The following LIN9 variants were observed in gnomAD, a reference collection of about 807,000 sequenced individuals.
LIN9 encodes lin-9 DREAM MuvB core complex component, also known as protein lin-9 homolog.
Under a neutral mutation model 78.0 loss-of-function variants are expected in LIN9, and 18 were observed. That is an observed-to-expected ratio of 0.23 (90% CI 0.16 to 0.34). The LOEUF (loss-of-function observed/expected upper bound fraction) is 0.34, where lower values mean the gene tolerates loss of function less well. Among genes scored for constraint, LIN9 ranks in the 10% least tolerant of loss-of-function variants. The pLI is 1.00. For missense variants in LIN9, 451 were observed against 644.1 expected (o/e 0.70, Z 3.25); for synonymous variants, 192 against 215.2 (o/e 0.89, Z 0.94).
chr1:226,286,298 T>C lies in LIN9; in HGVS notation c.524+35A>G, dbSNP rs748996465. 1.5e-5 allele frequency: 24 copies of C among 1,595,306 alleles called. No individual in the cohort carries two copies. In the South Asian group the frequency reaches 2.5e-4, roughly 17 times the overall value. ...GTACATGCACTGCTACTGGCTTGAT[T>C]TTATTTTAAACAAAAACAAAAACAT... On this transcript the variant is annotated intron_variant, in intron 6 of 14. Coordinates refer to ENST00000681046, the MANE Select transcript of LIN9 (RefSeq NM_001366245.2).
At chr1:226,297,075 C>A (rs1393517832) in intron 3 of LIN9, among the ~76,000 whole-genome samples, 1 of 152,116 alleles carries the variant, frequency 6.6e-6, no homozygotes, top group Non-Finnish European at 1.5e-5. Flanking sequence ...TTCTACACTG[C>A]CCCCCTTCCC....
At chr1:226,244,864 A>G (rs987563009) in intron 11 of LIN9, among the ~76,000 whole-genome samples, 1 of 152,250 alleles carries the variant, frequency 6.6e-6, no homozygotes, top group Admixed American at 6.5e-5. Context: ...CAATTAACTT[A>G]TATTCCCACC....
chr1:226,277,661 T>A (rs1313596829), intron 7 of LIN9, 114 bp downstream of exon 7: 5 of 938,048 alleles, frequency 5.3e-6, no homozygotes, highest in Non-Finnish European at 7.9e-6. Context: ...CGATGTCTAT[T>A]GTAAATATTT....
In LIN9 at chr1:226,232,550, T is replaced by C; in HGVS notation, c.1580A>G (p.Gln527Arg). ...TGCAAAGGCATGTAAGTTTCCCATC[T>C]GGCTCAGGCCACTCTGAATATGTGC... ...HVAHIQSGLS[Q>R]MGNLHAFAAN... Residue 527 changes from glutamine (Q) to arginine (R), a missense_variant, in exon 15 of 15, where the codon CAG (glutamine) becomes CGG (arginine). Transcript: ENST00000681046. 6.2e-7 allele frequency: 1 copy of C among 1,612,726 alleles called. No individual in the cohort carries two copies.
intron 6 of LIN9, among the ~76,000 whole-genome samples, chr1:226,284,841 T>C (rs1342550791): frequency 6.6e-6 from 1 of 152,248 alleles, no homozygotes; most frequent in Non-Finnish European, 1.5e-5. Context: ...TGTTTCTTCA[T>C]ATGTATCTTG....
In LIN9 at chr1:226,253,938, G is replaced by T. The variant is rs1053604060; in HGVS notation, c.1039-3019C>A. Among the ~76,000 whole-genome samples the T allele has an allele frequency of 2.2e-4, 34 of 151,912 alleles. 2 individuals carry two copies. The highest frequency in any genetic ancestry group is 1.2e-4 in the Non-Finnish European group (8 of 67,936). On this transcript the variant is annotated intron_variant, in intron 10 of 14. Coordinates refer to ENST00000681046, the MANE Select transcript of LIN9 (RefSeq NM_001366245.2). ...TCAAAAAAGAAAAAAAAGAAAGAAAGAAATAATAAGGCCGGGTGTGGTAGC... is the reference window on the plus strand; with the variant it reads ...TCAAAAAAGAAAAAAAAGAAAGAAATAAATAATAAGGCCGGGTGTGGTAGC...
chr1:226,260,628 G>GTTTTTTTTTTTTTTT (rs559460640), intron 10 of LIN9, among the ~76,000 whole-genome samples: 3 of 73,428 alleles, frequency 4.1e-5, no homozygotes, highest in African/African-American at 1.5e-4. Flanking sequence ...GGCCAAATGA[G>GTTTTTTTTTTTTTTT]TTTTTTTTTT....
In LIN9 at chr1:226,295,894, T is replaced by A; in HGVS notation, c.212A>T (p.Gln71Leu). 5.0e-6 allele frequency: 8 copies of A among 1,613,738 alleles called. No individual in the cohort carries two copies. The highest frequency in any genetic ancestry group is 6.8e-6 in the Non-Finnish European group (8 of 1,179,886). Residue 71 changes from glutamine (Q) to leucine (L), a missense_variant, in exon 4 of 15, where the codon CAA (glutamine) becomes CTA (leucine). Physicochemically the swap from Gln to Leu is moderately radical, Grantham distance 113 (BLOSUM62 -2). Transcript: ENST00000681046. ...TCTTTTAGGTGACCTTGTATTTATT[T>A]GCCTATCATCTTCATCAGAAAAAAG... ...SRLFSDEDDR[Q>L]INTRSPKRNQ...
chr1:226,301,720 G>A (rs766536367), intron 1 of LIN9, among the ~76,000 whole-genome samples: 2 of 152,296 alleles, frequency 1.3e-5, no homozygotes, highest in African/African-American at 2.4e-5. Flanking sequence ...ATACAGAATG[G>A]CCAAGAGGGG....
Position 226,232,621 on chromosome 1 carries a change from A to G in LIN9, c.1524-15T>C. On this transcript the variant is annotated splice_polypyrimidine_tract_variant and intron_variant, in intron 14 of 14. Transcript: ENST00000681046. ...TCTGAAAGCAACTAAAGAAAGAAGA[A>G]ACATGGTTAACTACTTTATTTCAAA... The G allele has an allele frequency of 6.8e-7, 1 of 1,476,822 alleles. No homozygotes were observed. Among genetic ancestry groups the G allele is most frequent in the Non-Finnish European group, 9.3e-7 (1 of 1,072,034 alleles). 91.5% of individuals were successfully genotyped at this position (1,476,822 alleles called of 1,614,324 possible).
intron 4 of LIN9, among the ~76,000 whole-genome samples, chr1:226,294,565 C>G (rs1662006558): frequency 6.7e-6 from 1 of 149,710 alleles, no homozygotes; most frequent in Non-Finnish European, 1.5e-5. Flanking sequence ...GAGCAAAACT[C>G]TGTCTCAAAA....
At chr1:226,260,653 T>G (rs1659516683) in intron 10 of LIN9, among the ~76,000 whole-genome samples, 1 of 133,602 alleles carries the variant, frequency 7.5e-6, no homozygotes, top group African/African-American at 2.9e-5. Flanking sequence ...TTTTTTTTTT[T>G]TTTTTTTTTG....
chr1:226,296,391 T>TA (rs371602103), intron 3 of LIN9, among the ~76,000 whole-genome samples: 43 of 152,344 alleles, frequency 2.8e-4, no homozygotes, highest in African/African-American at 1.0e-3. Flanking sequence ...TGTATACTAT[T>TA]ATACTCTATC....
intron 10 of LIN9, among the ~76,000 whole-genome samples, chr1:226,259,928 A>G (rs1280228480): frequency 1.6e-5 from 2 of 127,722 alleles, no homozygotes; most frequent in Non-Finnish European, 3.3e-5. Flanking sequence ...GCAGAAATCA[A>G]TAAAATTGAA....
intron 1 of LIN9, among the ~76,000 whole-genome samples, chr1:226,306,570 A>C (rs1469889520): frequency 6.6e-6 from 1 of 152,188 alleles, no homozygotes; most frequent in Non-Finnish European, 1.5e-5. Context: ...AGATAGCCTT[A>C]ATTTCCTTAT....
rs75228632 is a variant in LIN9, at chr1:226,293,345, A to C, written c.264+2497T>G. Among the ~76,000 whole-genome samples, 680 of 152,344 alleles carry C rather than the reference A, an allele frequency of 4.5e-3. 26 individuals carry two copies. The South Asian group carries it at 0.076, about 17-fold the overall frequency. ...AGAAGGAGTGATGTGCTCAGGAAGGAAGGCAGTGGATAGAGTTGCGACAGG... is the reference window on the plus strand; with the variant it reads ...AGAAGGAGTGATGTGCTCAGGAAGGCAGGCAGTGGATAGAGTTGCGACAGG... On this transcript the variant is annotated intron_variant, in intron 4 of 14. Transcript: ENST00000681046.
chr1:226,299,956 A>G (rs141711997), intron 2 of LIN9, among the ~76,000 whole-genome samples: 2 of 150,124 alleles, frequency 1.3e-5, no homozygotes, highest in Non-Finnish European at 3.0e-5. Flanking sequence ...TTTGAGACAG[A>G]GTCTTACTCT....
intron 7 of LIN9, among the ~76,000 whole-genome samples, chr1:226,271,186 TCTA>T (rs1403832268): frequency 6.6e-6 from 1 of 152,184 alleles, no homozygotes; most frequent in African/African-American, 2.4e-5. Flanking sequence ...TCCAAACTTC[TCTA>T]CTATTCAAAT....
intron 1 of LIN9, among the ~76,000 whole-genome samples, chr1:226,305,298 C>T (rs1192479953): frequency 4.5e-5 from 6 of 134,122 alleles, no homozygotes; most frequent in African/African-American, 1.4e-4. Context: ...AGGGAGACCT[C>T]GTCTCTACAA....
Sources: allele counts gnomAD v4.1 joint callset (sites outside exome capture counted in the v4.1 genomes callset), GRCh38; gene constraint gnomAD v4.1.1; transcripts MANE v1.5; gene names NCBI Gene and HGNC (gene_info 2026-07-23, HGNC 2026-07-21).